Variants in URB2 observed in about 807,000 individuals in gnomAD.
URB2 encodes the protein unhealthy ribosome biogenesis protein 2 homolog.
Under a neutral mutation model 120.9 loss-of-function variants are expected in URB2, and 86 were observed. The ratio of observed to expected loss-of-function variants is 0.71; its 90% CI spans 0.60 to 0.85. The LOEUF (loss-of-function observed/expected upper bound fraction) is 0.85. Among genes scored for constraint, URB2 ranks in the 40% least tolerant of loss-of-function variants. URB2 has a pLI of 0.00. For missense variants in URB2, 1,765 were observed against 1,836.5 expected (o/e 0.96, Z 0.71); for synonymous variants, 755 against 758.4 (o/e 1.00, Z 0.07).
intron 9 of URB2, among the ~76,000 whole-genome samples, chr1:229,656,461 T>C (rs1666408312): frequency 6.6e-6 from 1 of 152,226 alleles, no homozygotes; most frequent in Admixed American, 6.5e-5. Flanking sequence ...GCTAGGGCCA[T>C]AGCCTCCCAG....
intron 5 of URB2, 104 bp from the exon 6 acceptor site, chr1:229,645,755 C>G (rs1292061167): frequency 1.0e-6 from 1 of 979,284 alleles, no homozygotes; most frequent in African/African-American, 1.6e-5. Context: ...GGCTCTCAAT[C>G]CACTCCAACG....
At position 229,659,153 on chromosome 1, in the gene URB2, C is replaced by T; in HGVS notation, c.4431C>T (p.Ile1477=). The change falls in exon 10 of 10, where the codon ATC becomes ATT. Residue 1477 remains isoleucine, a synonymous_variant. Coordinates refer to ENST00000258243, the MANE Select transcript of URB2 (RefSeq NM_014777.4). The stretch of plus-strand genomic sequence containing the variant: ...TGCTGCAGGAGGGCATTTACCTCAT[C>T]CTGGACCTCTGCATCGAGCCTGACG... ...KSLLQEGIYL[I]LDLCIEPDVQ... 1 of 1,613,010 alleles carries T rather than the reference C, an allele frequency of 6.2e-7. No homozygotes were observed. Among genetic ancestry groups the T allele is most frequent in the East Asian group, 2.2e-5 (1 of 44,876 alleles).
intron 2 of URB2, among the ~76,000 whole-genome samples, chr1:229,629,519 A>G: frequency 6.6e-6 from 1 of 152,346 alleles, no homozygotes; most frequent in South Asian, 2.1e-4. Flanking sequence ...ATTTATGTTT[A>G]TACTATACTG....
intron 3 of URB2, among the ~76,000 whole-genome samples, chr1:229,633,090 T>G (rs1415358089): frequency 6.6e-6 from 1 of 152,256 alleles, no homozygotes; most frequent in African/African-American, 2.4e-5. Context: ...CAGCTGGGAT[T>G]TGAACCTCAC....
At chr1:229,646,426 A>G (rs963288214) in intron 6 of URB2, among the ~76,000 whole-genome samples, 5 of 152,144 alleles carry the variant, frequency 3.3e-5, no homozygotes, top group Non-Finnish European at 5.9e-5. Flanking sequence ...TTAGCCTCCC[A>G]AGTCACCAGG....
At position 229,637,102 on chromosome 1, in the gene URB2, A is replaced by C. The variant is rs1382829680; in HGVS notation, c.2489A>C (p.Asp830Ala). ...ATTCTGTGTTCTGGTGCCCAGCGTG[A>C]CTCAGGTCTTGTCAGTCAGCAGCTT... ...SSILCSGAQRDSGLVSQQLPW... is the reference protein window; with the variant it reads ...SSILCSGAQRASGLVSQQLPW... Residue 830 changes from aspartate to alanine, a missense_variant, in exon 4 of 10, where the codon GAC becomes GCC. Coordinates refer to ENST00000258243, the MANE Select transcript of URB2 (RefSeq NM_014777.4). 6.2e-7 allele frequency: 1 copy of C among 1,613,316 alleles called. No individual in the cohort carries two copies. Among genetic ancestry groups the C allele is most frequent in the Admixed American group, 1.7e-5 (1 of 59,944 alleles).
chr1:229,638,124 C>G lies in URB2; in HGVS notation c.3511C>G (p.His1171Asp). The change falls in exon 4 of 10, where the codon CAT becomes GAT. Residue 1171 changes from histidine (H) to aspartate (D), a missense_variant. Physicochemically the swap from His to Asp is moderately conservative, Grantham distance 81 (BLOSUM62 -1). Transcript: ENST00000258243. Reference protein sequence around the residue: ...ILLELPALAGHDQSFQAALQF... With the variant: ...ILLELPALAGDDQSFQAALQF... ...GTTGGAGTTGCCAGCTCTCGCGGGA[C>G]ATGATCAGTCTTTTCAGGCAGCCTT... is the stretch of plus-strand genomic sequence containing the variant. 2 of 1,614,236 alleles carry G rather than the reference C, an allele frequency of 1.2e-6. No homozygotes were observed. The highest frequency in any genetic ancestry group is 8.5e-7 in the Non-Finnish European group (1 of 1,180,046).
intron 7 of URB2, among the ~76,000 whole-genome samples, chr1:229,647,962 G>T (rs532710797): frequency 6.6e-6 from 1 of 152,304 alleles, no homozygotes; most frequent in East Asian, 1.9e-4. Flanking sequence ...TTGTGAGCGA[G>T]TTTTTCTTCA....
rs147872847 is a variant in URB2 at position 229,635,141 on chromosome 1, C to A, written c.528C>A (p.Ala176=). Residue 176 remains alanine, a synonymous_variant, in exon 4 of 10, where the codon GCC becomes GCA. Transcript: ENST00000258243. ...AGTTGTTTGAGGTCATTCACCTGGC[C>A]CTTGGCCATTATCTCTTGATCCTGC... ...VAQLFEVIHL[A]LGHYLLILQQ... 6.2e-7 allele frequency: 1 copy of A among 1,614,022 alleles called. No individual in the cohort carries two copies. Among genetic ancestry groups the A allele is most frequent in the African/African-American group, 1.3e-5 (1 of 74,946 alleles).
chr1:229,632,638 T>C (rs1403010471), intron 3 of URB2, among the ~76,000 whole-genome samples, 193 bp downstream of exon 3: 4 of 152,254 alleles, frequency 2.6e-5, no homozygotes, highest in Admixed American at 2.6e-4. Flanking sequence ...TTTTGTTATT[T>C]AATATTCAAA....
intron 2 of URB2, among the ~76,000 whole-genome samples, chr1:229,632,006 C>T (rs373746236): frequency 1.3e-5 from 2 of 152,094 alleles, no homozygotes; most frequent in Non-Finnish European, 2.9e-5. Context: ...CGGGTTAAGA[C>T]GTGTTAGTTT....
chr1:229,659,487 A>C lies in URB2; in HGVS notation c.*190A>C, dbSNP rs1436819895. ...TGTTTTTCTTACTATTTTTTAATACATAGTTTTATGCAGTAAGTATTGCAA... is the reference window on the plus strand; with the variant it reads ...TGTTTTTCTTACTATTTTTTAATACCTAGTTTTATGCAGTAAGTATTGCAA... On this transcript the variant is annotated 3_prime_UTR_variant, in exon 10 of 10. Coordinates refer to ENST00000258243, the MANE Select transcript of URB2 (RefSeq NM_014777.4). 3.6e-6 allele frequency: 2 copies of C among 560,054 alleles called. No individual in the cohort carries two copies. The highest frequency in any genetic ancestry group is 6.0e-6 in the Non-Finnish European group (2 of 333,172). 34.7% of individuals were successfully genotyped at this position (560,054 alleles called of 1,614,324 possible). A position where few individuals can be genotyped will look rare whatever the true frequency, so the allele number is the denominator to read the frequency against.
chr1:229,627,732 C>T lies in URB2; in HGVS notation c.99C>T (p.His33=), dbSNP rs1478887632. The T allele has an allele frequency of 6.2e-7, 1 of 1,611,196 alleles. No individual in the cohort carries two copies. The part of the protein sequence containing the change: ...LKLAHFAWIS[H]QCFLPNKEQV... Reference sequence around the variant, plus strand: ...TAGCTCACTTTGCTTGGATTTCTCACCAGTGCTTTCTTCCAAATAAAGAAC... The same window carrying T: ...TAGCTCACTTTGCTTGGATTTCTCATCAGTGCTTTCTTCCAAATAAAGAAC... Residue 33 remains histidine, a synonymous_variant, in exon 2 of 10, where the codon CAC becomes CAT. Coordinates refer to ENST00000258243, the MANE Select transcript of URB2 (RefSeq NM_014777.4).
intron 9 of URB2, among the ~76,000 whole-genome samples, chr1:229,654,681 G>A (rs1434781264): frequency 6.6e-6 from 1 of 152,132 alleles, no homozygotes; most frequent in African/African-American, 2.4e-5. Context: ...TTGTAGAGAT[G>A]GGGTCTCCCT....
At chr1:229,644,557 G>C (rs983767422) in intron 5 of URB2, among the ~76,000 whole-genome samples, 2 of 152,212 alleles carry the variant, frequency 1.3e-5, no homozygotes, top group African/African-American at 2.4e-5. Flanking sequence ...GCCAGGAGCA[G>C]GGGATGTGCA....
Position 229,651,554 on chromosome 1 carries a change from G to GA in URB2, c.4237+240dup, listed in dbSNP as rs368631327. On this transcript the variant is annotated intron_variant, in intron 8 of 9. Transcript: ENST00000258243. ...CTTATTGAAATAGTTCCTTTTCTGG[G>GA]AAAAAAAATATCAGATTTAGGAAAT... Among the ~76,000 whole-genome samples the GA allele has an allele frequency of 2.0e-5, 3 of 151,814 alleles. No individual in the cohort carries two copies. The South Asian group carries it at 6.2e-4, about 31-fold the overall frequency.
At position 229,659,378 on chromosome 1, in the gene URB2, C is replaced by A; in HGVS notation, c.*81C>A. Reference sequence around the variant, plus strand: ...TCTGAAAGAGCTGGAGAATGAAAGACTTAAGATGTTCTAATTCGTAGTATT... The same window carrying A: ...TCTGAAAGAGCTGGAGAATGAAAGAATTAAGATGTTCTAATTCGTAGTATT... On this transcript the variant is annotated 3_prime_UTR_variant, in exon 10 of 10. Transcript: ENST00000258243. 2 of 1,438,258 alleles carry A rather than the reference C, an allele frequency of 1.4e-6. No individual in the cohort carries two copies. Among genetic ancestry groups the A allele is most frequent in the Non-Finnish European group, 1.9e-6 (2 of 1,044,412 alleles). The allele number at this position is 1,438,258 out of a possible 1,614,324, so 89.1% of individuals were successfully genotyped here.
Position 229,636,278 on chromosome 1 carries a change from C to T in URB2, c.1665C>T (p.Ser555=). 6.2e-7 allele frequency: 1 copy of T among 1,614,134 alleles called. No individual in the cohort carries two copies. The highest frequency in any genetic ancestry group is 1.3e-5 in the African/African-American group (1 of 75,068). ...ACTGCATCATGTTCAACATGAGGAG[C>T]CTGGACAGCAGCACGCCTCTGCCCA... The part of the protein sequence containing the change: ...LLHCIMFNMR[S]LDSSTPLPIV... The change falls in exon 4 of 10, where the codon AGC becomes AGT. Residue 555 remains serine (S), a synonymous_variant. Transcript: ENST00000258243.
At position 229,658,983 on chromosome 1, in the gene URB2, T is replaced by C. The variant is rs1666462031; in HGVS notation, c.4378-117T>C. On this transcript the variant is annotated intron_variant, in intron 9 of 9. Transcript: ENST00000258243. ...TTAAAAGTGAATGTCGATTTTTTTC[T>C]CAATTTGGAGGTCAGTTTGAAATTA... is the stretch of plus-strand genomic sequence containing the variant. The C allele has an allele frequency of 4.2e-6, 4 of 958,202 alleles. No individual in the cohort carries two copies. In the East Asian group the frequency reaches 9.7e-5, roughly 23 times the overall value. 59.4% of individuals were successfully genotyped at this position (958,202 alleles called of 1,614,324 possible).
Sources: gnomAD v4.1 joint callset for allele counts (sites outside exome capture counted in the v4.1 genomes callset) on GRCh38, gnomAD v4.1.1 for gene constraint, MANE v1.5 for transcripts, NCBI Gene and HGNC (gene_info 2026-07-23, HGNC 2026-07-21) for gene names.